Variants in UGGT1 observed in about 807,000 individuals in gnomAD.
UGGT1 encodes the protein UDP-glucose:glycoprotein glucosyltransferase 1.
UGGT1 carries 107 observed loss-of-function variants against 203.9 expected under a neutral mutation model. The ratio of observed to expected loss-of-function variants is 0.52; its 90% CI spans 0.45 to 0.62. UGGT1 has a LOEUF of 0.62. Among genes scored for constraint, UGGT1 ranks in the 20% least tolerant of loss-of-function variants. The pLI is 0.00. For missense variants in UGGT1, 1,673 were observed against 1,867.2 expected (o/e 0.90, Z 1.92); for synonymous variants, 628 against 653.5 (o/e 0.96, Z 0.59).
intron 34 of UGGT1, 65 bp downstream of exon 34, chr2:128,178,634 G>T: frequency 6.9e-7 from 1 of 1,448,802 alleles, no homozygotes; most frequent in Admixed American, 1.9e-5. Flanking sequence ...TATTTAGAGA[G>T]GAAAGGTTTT....
chr2:128,115,477 A>G (rs1309109860), intron 7 of UGGT1, among the ~76,000 whole-genome samples: 1 of 71,278 alleles, frequency 1.4e-5, no homozygotes, highest in Non-Finnish European at 2.9e-5. Flanking sequence ...GAATTTTTTC[A>G]TGTACTAAAA....
In UGGT1 at chr2:128,194,063, T is replaced by C. The variant is rs1392959489; in HGVS notation, c.*4321T>C. On this transcript the variant is annotated 3_prime_UTR_variant, in exon 41 of 41. Transcript: ENST00000259253. ...AAATGGAGGGTGTATTATGTGCAGT[T>C]ATTTAAATATATGTATTCCATTGTT... The C allele has an allele frequency of 1.3e-5, 2 of 152,180 alleles. No homozygotes were observed. The highest frequency in any genetic ancestry group is 6.5e-5 in the Admixed American group (1 of 15,282). The allele number at this position is 152,180 out of a possible 1,614,324, so 9.4% of individuals were successfully genotyped here.
chr2:128,113,550 A>T lies in UGGT1; in HGVS notation c.696+292A>T, dbSNP rs550293825. The stretch of plus-strand genomic sequence containing the variant: ...TTTTAATATGGTCATCATACTATGG[A>T]ACTGATTGTTGAATTCAGTTTCCTT... On this transcript the variant is annotated intron_variant, in intron 6 of 40. Coordinates refer to ENST00000259253, the MANE Select transcript of UGGT1 (RefSeq NM_020120.4). Among the ~76,000 whole-genome samples, 8 of 152,304 alleles carry T rather than the reference A, an allele frequency of 5.3e-5. No individual in the cohort carries two copies. The South Asian group carries it at 1.7e-3, about 32-fold the overall frequency.
At chr2:128,109,945 C>G (rs562320527) in intron 5 of UGGT1, among the ~76,000 whole-genome samples, 199 bp downstream of exon 5, 1 of 152,270 alleles carries the variant, frequency 6.6e-6, no homozygotes, top group East Asian at 1.9e-4. Flanking sequence ...AAATTACTTT[C>G]TTTCCTAATC....
At chr2:128,183,271 T>G (rs1691800363) in intron 37 of UGGT1, among the ~76,000 whole-genome samples, 1 of 152,224 alleles carries the variant, frequency 6.6e-6, no homozygotes, top group African/African-American at 2.4e-5. Context: ...GTGGCTTCAT[T>G]CTTTACATTC....
At chr2:128,111,675 T>G (rs1687857651) in intron 5 of UGGT1, among the ~76,000 whole-genome samples, 2 of 152,040 alleles carry the variant, frequency 1.3e-5, no homozygotes, top group Middle Eastern at 3.4e-3. Context: ...TTTTGTATTT[T>G]TAGTAGAGAC....
At chr2:128,096,606 G>T (rs934744182) in intron 1 of UGGT1, among the ~76,000 whole-genome samples, 3 of 152,088 alleles carry the variant, frequency 2.0e-5, no homozygotes, top group African/African-American at 7.2e-5. Flanking sequence ...TATAACATCA[G>T]TCATTGGGTT....
chr2:128,174,888 C>G, intron 31 of UGGT1, 30 bp downstream of exon 31: 1 of 1,583,486 alleles, frequency 6.3e-7, no homozygotes, highest in Non-Finnish European at 8.6e-7. Context: ...TTACATTATC[C>G]CAGAACTTTT....
chr2:128,147,981 C>T (rs369740614), intron 18 of UGGT1, among the ~76,000 whole-genome samples: 4 of 152,140 alleles, frequency 2.6e-5, no homozygotes, highest in East Asian at 1.9e-4. Flanking sequence ...ACTTCTTCAC[C>T]GTACCAGGGT....
chr2:128,181,382 C>CCA (rs1691680706), intron 36 of UGGT1, among the ~76,000 whole-genome samples: 1 of 152,178 alleles, frequency 6.6e-6, no homozygotes, highest in Admixed American at 6.5e-5. Flanking sequence ...GCCATCATCT[C>CCA]TAATTATCTG....
At chr2:128,102,205 C>T (rs1254779038) in intron 2 of UGGT1, among the ~76,000 whole-genome samples, 3 of 151,698 alleles carry the variant, frequency 2.0e-5, no homozygotes, top group African/African-American at 2.4e-5. Flanking sequence ...TGCAATGGCA[C>T]GATCTTGGCT....
chr2:128,156,301 T>G, intron 20 of UGGT1, 91 bp from the exon 21 acceptor site: 1 of 962,370 alleles, frequency 1.0e-6, no homozygotes, highest in Non-Finnish European at 1.7e-6. Context: ...TAGACCGTGT[T>G]AGCCATTGTT....
intron 2 of UGGT1, 131 bp downstream of exon 2, chr2:128,097,695 C>T: frequency 1.8e-6 from 2 of 1,113,810 alleles, no homozygotes; most frequent in Admixed American, 2.6e-5. Flanking sequence ...TCAGTGTATA[C>T]TGTAGGATGT....
At chr2:128,127,732 A>G (rs1172771248) in intron 12 of UGGT1, among the ~76,000 whole-genome samples, 1 of 152,216 alleles carries the variant, frequency 6.6e-6, no homozygotes, top group African/African-American at 2.4e-5. Flanking sequence ...CATAGAAAAG[A>G]ACAGGTTCTT....
intron 18 of UGGT1, among the ~76,000 whole-genome samples, chr2:128,151,587 T>G (rs916499833): frequency 2.0e-5 from 3 of 152,238 alleles, no homozygotes; most frequent in Admixed American, 6.5e-5. Context: ...GACTTGAATG[T>G]GTATATTTGA....
chr2:128,147,611 C>CT (rs371733199), intron 18 of UGGT1, among the ~76,000 whole-genome samples: 39 of 145,826 alleles, frequency 2.7e-4, no homozygotes, highest in East Asian at 4.0e-4. Context: ...TTCTGCATGT[C>CT]TTTTTTTTTT....
intron 38 of UGGT1, among the ~76,000 whole-genome samples, chr2:128,184,160 A>G (rs1467603538): frequency 1.3e-5 from 2 of 152,206 alleles, no homozygotes; most frequent in Non-Finnish European, 2.9e-5. Flanking sequence ...TAAATAGCTC[A>G]GGATTCGTAG....
At chr2:128,156,985 T>C (rs1242177694) in intron 21 of UGGT1, among the ~76,000 whole-genome samples, 1 of 152,256 alleles carries the variant, frequency 6.6e-6, no homozygotes, top group Non-Finnish European at 1.5e-5. Flanking sequence ...TTTTTCATTT[T>C]ACATGCTAAC....
rs1250900018 is a variant in UGGT1, at chr2:128,138,850, C to T, written c.1717C>T (p.His573Tyr). ...TTATCATGCCTTCCAGACTCTGACA[C>T]ATGTACGTTTTTGTTCAGAATGGCA... ...DDYHAFQTLTHIYNKVRTGEK... is the reference protein window; with the variant it reads ...DDYHAFQTLTYIYNKVRTGEK... Residue 573 changes from histidine (H) to tyrosine (Y), a missense_variant and splice_region_variant, in exon 16 of 41, where the codon CAT (histidine) becomes TAT (tyrosine). Physicochemically the swap from His to Tyr is moderately conservative, Grantham distance 83. This residue lies in a region of UGGT1 where 1,073 missense variants were observed against 1,078.7 expected (regional missense o/e 0.99). Coordinates refer to ENST00000259253, the MANE Select transcript of UGGT1 (RefSeq NM_020120.4). The T allele has an allele frequency of 6.2e-7, 1 of 1,611,782 alleles. No individual in the cohort carries two copies. Among genetic ancestry groups the T allele is most frequent in the African/African-American group, 1.3e-5 (1 of 74,780 alleles).
Sources: allele counts gnomAD v4.1 joint callset (sites outside exome capture counted in the v4.1 genomes callset), GRCh38; gene constraint gnomAD v4.1.1; regional missense constraint gnomAD v4.1.1; transcripts MANE v1.5; gene names NCBI Gene and HGNC (gene_info 2026-07-23, HGNC 2026-07-21).